AMN1: variants seen among roughly 807,000 people sequenced by gnomAD.
AMN1 encodes antagonist of mitotic exit network 1 homolog.
Under a neutral mutation model 33.0 loss-of-function variants are expected in AMN1, and 20 were observed. That is an observed-to-expected ratio of 0.61 (90% CI 0.43 to 0.88). AMN1 has a LOEUF of 0.88. AMN1 is among the 40% of genes least tolerant of loss of function. The pLI is 0.00. For synonymous variants in AMN1, 114 were observed against 111.9 expected (o/e 1.02, Z -0.12); for missense variants, 246 against 307.4 (o/e 0.80, Z 1.49).
intron 6 of AMN1, among the ~76,000 whole-genome samples, chr12:31,686,922 A>C (rs1416885065): frequency 6.6e-6 from 1 of 152,240 alleles, no homozygotes; most frequent in African/African-American, 2.4e-5. Flanking sequence ...AAAGATACAA[A>C]AGGGTATACA....
chr12:31,674,213 C>A (rs1951338143), intron 6 of AMN1, among the ~76,000 whole-genome samples: 1 of 151,938 alleles, frequency 6.6e-6, no homozygotes, highest in South Asian at 2.1e-4. Context: ...TTGAGACCAG[C>A]CTGGCCAACA....
At chr12:31,719,544 A>G (rs115971469) in intron 1 of AMN1, among the ~76,000 whole-genome samples, 144 of 152,330 alleles carry the variant, frequency 9.5e-4, no homozygotes, top group African/African-American at 2.9e-3. Context: ...GTAGCATTTT[A>G]TCAAGCCTCC....
intron 3 of AMN1, among the ~76,000 whole-genome samples, chr12:31,698,725 A>G (rs1388084400): frequency 1.3e-5 from 2 of 151,730 alleles, no homozygotes; most frequent in African/African-American, 4.9e-5. Flanking sequence ...ACTGTTTTCC[A>G]TATCTTAAGA....
intron 1 of AMN1, among the ~76,000 whole-genome samples, chr12:31,727,112 C>T (rs1326536817): frequency 2.0e-5 from 3 of 152,186 alleles, no homozygotes; most frequent in Non-Finnish European, 4.4e-5. Context: ...TCCTCAGGGT[C>T]CCAAAATGTT....
At chr12:31,705,698 C>T (rs547543657) in intron 2 of AMN1, among the ~76,000 whole-genome samples, 1 of 152,180 alleles carries the variant, frequency 6.6e-6, no homozygotes, top group Non-Finnish European at 1.5e-5. Flanking sequence ...CTTCATGGTC[C>T]AGAACATATA....
rs986225068 is a variant in AMN1 at position 31,719,277 on chromosome 12, C to T, written c.38+9694G>A. The T allele has an allele frequency of 1.4e-5, 11 of 785,662 alleles. No individual in the cohort carries two copies. The African/African-American group carries it at 1.7e-4, about 12-fold the overall frequency. The allele number at this position is 785,662 out of a possible 1,614,324, so 48.7% of individuals were successfully genotyped here. Reference sequence around the variant, plus strand: ...CGTCAATCTTGCTGGGAGCTGCAGACTGGAGCTGTTCCCATTTAGCCATCT... The same window carrying T: ...CGTCAATCTTGCTGGGAGCTGCAGATTGGAGCTGTTCCCATTTAGCCATCT... On this transcript the variant is annotated intron_variant, in intron 1 of 6. Transcript: ENST00000281471.
rs907680795 is a variant in AMN1, at chr12:31,718,640, T to C, written c.39-9215A>G. ...TAATGTTGATGCTATTCCTTTCTGT[T>C]TGTTAGTTTTCCTTCTAACAGACAG... On this transcript the variant is annotated intron_variant, in intron 1 of 6. Transcript: ENST00000281471. Among the ~76,000 whole-genome samples the C allele has an allele frequency of 7.2e-5, 11 of 152,312 alleles. 1 individual carries two copies. The highest frequency in any genetic ancestry group is 1.9e-4 in the East Asian group (1 of 5,184).
Position 31,672,171 on chromosome 12 carries a change from A to G in AMN1, c.*133T>C, listed in dbSNP as rs1951286600. 1.5e-6 allele frequency: 1 copy of G among 653,172 alleles called. No individual in the cohort carries two copies. The highest frequency in any genetic ancestry group is 2.8e-5 in the Admixed American group (1 of 36,050). 40.5% of individuals were successfully genotyped at this position (653,172 alleles called of 1,614,324 possible). A position where few individuals can be genotyped will look rare whatever the true frequency, so the allele number is the denominator to read the frequency against. On this transcript the variant is annotated 3_prime_UTR_variant, in exon 7 of 7. Transcript: ENST00000281471. ...ATACCAAGACTTAGCTAATTCTCTGAGAGTTATAACTTAAGACAATAAAAT... is the reference window on the plus strand; with the variant it reads ...ATACCAAGACTTAGCTAATTCTCTGGGAGTTATAACTTAAGACAATAAAAT...
chr12:31,698,710 T>TTTTTACTG (rs1334668848), intron 3 of AMN1, among the ~76,000 whole-genome samples: 2 of 152,124 alleles, frequency 1.3e-5, no homozygotes, highest in African/African-American at 4.8e-5. Context: ...GGGTAGGTCA[T>TTTTTACTG]TTTTACTGTT....
intron 1 of AMN1, 86 bp downstream of exon 1, chr12:31,728,885 G>A (rs1940191807): frequency 1.4e-6 from 2 of 1,445,828 alleles, no homozygotes; most frequent in East Asian, 2.6e-5. Context: ...GTGGGAAAGG[G>A]GCGGGGAGGA....
chr12:31,701,919 A>C lies in AMN1; in HGVS notation c.260T>G (p.Leu87Arg). Residue 87 changes from leucine (L) to arginine (R), a missense_variant, in exon 3 of 7, where the codon CTG becomes CGG. Transcript: ENST00000281471. Reference sequence around the variant, plus strand: ...TGAAGCATTTAAATTTAATTTCTTCAGTTTTCTACAGTTAGACAGGTGCAG... The same window carrying C: ...TGAAGCATTTAAATTTAATTTCTTCCGTTTTCTACAGTTAGACAGGTGCAG... ...ALLHLSNCRK[L>R]KKLNLNASKG... 6.2e-7 allele frequency: 1 copy of C among 1,608,688 alleles called. No individual in the cohort carries two copies. Among genetic ancestry groups the C allele is most frequent in the Non-Finnish European group, 8.5e-7 (1 of 1,178,468 alleles).
At chr12:31,685,791 A>ATTCTGC (rs1938231413) in intron 6 of AMN1, among the ~76,000 whole-genome samples, 1 of 116,956 alleles carries the variant, frequency 8.6e-6, no homozygotes, top group Non-Finnish European at 1.8e-5. Context: ...ACAGAGCAAG[A>ATTCTGC]CTCATTATCA....
chr12:31,705,628 G>C (rs1939203200), intron 2 of AMN1, among the ~76,000 whole-genome samples: 1 of 152,166 alleles, frequency 6.6e-6, no homozygotes, highest in Non-Finnish European at 1.5e-5. Context: ...GTCCTAATTA[G>C]GGAAAAGGAG....
At chr12:31,710,551 TACACACACACACACAC>T (rs112841301) in intron 1 of AMN1, among the ~76,000 whole-genome samples, 5,280 of 147,532 alleles carry the variant, frequency 0.036, 140 homozygotes, top group South Asian at 0.065. Flanking sequence ...TCTGTTCTTG[TACACACACACACACAC>T]ACACACACAC....
intron 1 of AMN1, among the ~76,000 whole-genome samples, chr12:31,711,913 T>TC (rs1939481779): frequency 6.6e-6 from 1 of 152,188 alleles, no homozygotes; most frequent in African/African-American, 2.4e-5. Flanking sequence ...ATCTTCATGA[T>TC]ATCCACTTTT....
At position 31,718,008 on chromosome 12, in the gene AMN1, G is replaced by C. The variant is rs889271621; in HGVS notation, c.39-8583C>G. ...GTTCTCCTGCATAATATCCTGAAGT[G>C]TGTTTTCCAACGTGGTTCCATTCTC... On this transcript the variant is annotated intron_variant, in intron 1 of 6. Transcript: ENST00000281471. 5.3e-5 allele frequency among the ~76,000 whole-genome samples: 8 copies of C among 152,242 alleles called. No individual in the cohort carries two copies. The East Asian group carries it at 1.2e-3, about 22-fold the overall frequency.
intron 5 of AMN1, among the ~76,000 whole-genome samples, chr12:31,696,211 T>A (rs1938718229): frequency 6.6e-6 from 1 of 152,056 alleles, no homozygotes; most frequent in African/African-American, 2.4e-5. Flanking sequence ...CACTCCAGCC[T>A]GGGCGACAGA....
At chr12:31,685,557 T>C (rs541272274) in intron 6 of AMN1, among the ~76,000 whole-genome samples, 2 of 152,096 alleles carry the variant, frequency 1.3e-5, no homozygotes, top group African/African-American at 4.8e-5. Flanking sequence ...TCCCAGAACT[T>C]TGGGAGGCCA....
At chr12:31,694,578 C>T (rs1368261608) in intron 5 of AMN1, among the ~76,000 whole-genome samples, 2 of 151,822 alleles carry the variant, frequency 1.3e-5, no homozygotes, top group African/African-American at 4.8e-5. Context: ...CAAGACCCAT[C>T]TCTACAAAAA....
Sources: gnomAD v4.1 joint callset for allele counts (sites outside exome capture counted in the v4.1 genomes callset) on GRCh38, gnomAD v4.1.1 for gene constraint, MANE v1.5 for transcripts, NCBI Gene and HGNC (gene_info 2026-07-23, HGNC 2026-07-21) for gene names.